The following GPC6 variants were observed in gnomAD, a reference collection of about 807,000 sequenced individuals.
GPC6 encodes glypican 6.
In GPC6, 14 loss-of-function variants were observed where a neutral mutation model predicts 55.2. That is an observed-to-expected ratio of 0.25 (90% CI 0.17 to 0.40). The LOEUF (loss-of-function observed/expected upper bound fraction) is 0.40, where lower values mean the gene tolerates loss of function less well. Ranked by LOEUF, GPC6 falls within the 10% of genes least tolerant of loss-of-function variation. GPC6 has a pLI of 1.00. For missense variants in GPC6, 641 were observed against 708.5 expected (o/e 0.90, Z 1.08); for synonymous variants, 278 against 259.6 (o/e 1.07, Z -0.68).
At position 93,863,393 on chromosome 13, in the gene GPC6, T is replaced by C. The variant is rs1594535538; in HGVS notation, c.711+32848T>C. On this transcript the variant is annotated intron_variant, in intron 3 of 8. Coordinates refer to ENST00000377047, the MANE Select transcript of GPC6 (RefSeq NM_005708.5). Reference sequence around the variant, plus strand: ...AATTCATGTTCACCAATTTCTGTTGTAGACTATTTAGAAGTAGAAAATGAA... The same window carrying C: ...AATTCATGTTCACCAATTTCTGTTGCAGACTATTTAGAAGTAGAAAATGAA... 2.0e-5 allele frequency among the ~76,000 whole-genome samples: 3 copies of C among 151,870 alleles called. No individual in the cohort carries two copies. In the East Asian group the frequency reaches 5.9e-4, roughly 30 times the overall value.
chr13:93,484,336 A>C (rs1024452610), intron 1 of GPC6, among the ~76,000 whole-genome samples: 5 of 152,130 alleles, frequency 3.3e-5, no homozygotes, highest in African/African-American at 4.8e-5. Flanking sequence ...CAGATACCCT[A>C]GTTAAATCAG....
chr13:93,835,410 G>A (rs1327574502), intron 3 of GPC6, among the ~76,000 whole-genome samples: 3 of 152,064 alleles, frequency 2.0e-5, no homozygotes, highest in Admixed American at 1.3e-4. Context: ...AGCCGAGATC[G>A]TGCCACTGCA....
At chr13:93,861,904 C>T (rs1354426046) in intron 3 of GPC6, among the ~76,000 whole-genome samples, 1 of 151,634 alleles carries the variant, frequency 6.6e-6, no homozygotes, top group African/African-American at 2.4e-5. Flanking sequence ...TTATGCTTGC[C>T]TCTCTGCGCA....
chr13:94,213,784 AG>A (rs1890152954), intron 4 of GPC6, among the ~76,000 whole-genome samples: 9 of 152,186 alleles, frequency 5.9e-5, no homozygotes, highest in Admixed American at 5.9e-4. Flanking sequence ...ATCAATTCAC[AG>A]GATCATCCCA....
intron 3 of GPC6, among the ~76,000 whole-genome samples, chr13:93,880,210 A>G (rs1261397565): frequency 2.0e-5 from 3 of 151,032 alleles, no homozygotes; most frequent in African/African-American, 7.3e-5. Context: ...CCATCCCATT[A>G]CTGGGTATAT....
chr13:93,367,990 C>T (rs781724090), intron 1 of GPC6, among the ~76,000 whole-genome samples: 5 of 152,004 alleles, frequency 3.3e-5, no homozygotes, highest in Non-Finnish European at 7.4e-5. Flanking sequence ...TGCTTATTTT[C>T]TGTCTAGATG....
intron 3 of GPC6, among the ~76,000 whole-genome samples, chr13:93,890,186 A>C (rs1339251913): frequency 1.3e-5 from 2 of 152,228 alleles, no homozygotes; most frequent in Non-Finnish European, 2.9e-5. Flanking sequence ...TTTCTATGCC[A>C]ACAGTAGATT....
chr13:93,498,708 A>T (rs924789793), intron 1 of GPC6, among the ~76,000 whole-genome samples: 6 of 152,134 alleles, frequency 3.9e-5, no homozygotes, highest in African/African-American at 1.4e-4. Context: ...GTTCAACTAA[A>T]CCTCTTTTTG....
At chr13:93,623,827 T>C (rs1879072185) in intron 2 of GPC6, among the ~76,000 whole-genome samples, 1 of 152,150 alleles carries the variant, frequency 6.6e-6, no homozygotes, top group African/African-American at 2.4e-5. Context: ...TTGATTTGCA[T>C]TCTCCTGATG....
chr13:94,026,277 T>A (rs1203660116), intron 3 of GPC6, among the ~76,000 whole-genome samples: 2 of 152,148 alleles, frequency 1.3e-5, no homozygotes, highest in African/African-American at 2.4e-5. Context: ...AATCTCAAAA[T>A]TGATCCTAGG....
intron 6 of GPC6, among the ~76,000 whole-genome samples, chr13:94,323,402 C>G (rs1171272002): frequency 6.6e-6 from 1 of 152,122 alleles, no homozygotes; most frequent in African/African-American, 2.4e-5. Flanking sequence ...CTGTACTCAG[C>G]CTAGATATTC....
chr13:94,235,665 A>G (rs1352150562), intron 4 of GPC6, among the ~76,000 whole-genome samples: 1 of 152,196 alleles, frequency 6.6e-6, no homozygotes, highest in Non-Finnish European at 1.5e-5. Flanking sequence ...TTAAATTTAC[A>G]TATTCAAGCT....
chr13:94,190,294 A>G (rs1361303945), intron 4 of GPC6, among the ~76,000 whole-genome samples: 2 of 147,430 alleles, frequency 1.4e-5, no homozygotes, highest in South Asian at 2.1e-4. Context: ...CACTCCAGCC[A>G]GAGAGCAAGA....
At chr13:93,921,515 A>G (rs576378023) in intron 3 of GPC6, among the ~76,000 whole-genome samples, 2 of 152,034 alleles carry the variant, frequency 1.3e-5, no homozygotes, top group Non-Finnish European at 2.9e-5. Context: ...TAGAAAGGGG[A>G]TGGAGTAGGA....
intron 4 of GPC6, among the ~76,000 whole-genome samples, chr13:94,217,020 C>A (rs769335429): frequency 6.6e-5 from 10 of 152,138 alleles, no homozygotes; most frequent in Non-Finnish European, 1.3e-4. Flanking sequence ...TCAGTATGTA[C>A]CCTGCAGTGC....
At chr13:93,228,270 GC>G (rs1209017257) in intron 1 of GPC6, among the ~76,000 whole-genome samples, 1 of 152,188 alleles carries the variant, frequency 6.6e-6, no homozygotes, top group Non-Finnish European at 1.5e-5. Context: ...CAGATGTGGG[GC>G]GGGCTTTCCC....
At chr13:93,844,942 A>G (rs546393297) in intron 3 of GPC6, among the ~76,000 whole-genome samples, 4 of 152,046 alleles carry the variant, frequency 2.6e-5, no homozygotes, top group African/African-American at 9.7e-5. Context: ...TTTGTCAAAG[A>G]TCAGATAGTT....
At chr13:93,592,394 AAT>A (rs200003304) in intron 2 of GPC6, among the ~76,000 whole-genome samples, 2 of 140,734 alleles carry the variant, frequency 1.4e-5, no homozygotes, top group East Asian at 4.0e-4. Context: ...AATATATATT[AAT>A]ATATAAATAT....
At chr13:94,391,710 C>T (rs7993211) in intron 7 of GPC6, among the ~76,000 whole-genome samples, 88,607 of 151,720 alleles carry the variant, frequency 0.58, 26,247 homozygotes, top group African/African-American at 0.67. Context: ...AGTGCAGTCA[C>T]GTGGTTGTGC....
Sources: allele counts gnomAD v4.1 joint callset (sites outside exome capture counted in the v4.1 genomes callset), GRCh38; gene constraint gnomAD v4.1.1; transcripts MANE v1.5; gene names NCBI Gene and HGNC (gene_info 2026-07-23, HGNC 2026-07-21).